Variants in NTF3 observed in about 807,000 individuals in gnomAD.
NTF3 encodes neurotrophin 3.
A neutral mutation model predicts 26.3 loss-of-function variants in NTF3; 8 were observed. The ratio of observed to expected loss-of-function variants is 0.30; its 90% CI spans 0.18 to 0.55. NTF3 has a LOEUF of 0.55. Among genes scored for constraint, NTF3 ranks in the 20% least tolerant of loss-of-function variants. The pLI is 0.93. For synonymous variants in NTF3, 154 were observed against 145.5 expected, an observed-to-expected ratio of 1.06 and a Z score of -0.42; for missense variants, 276 against 352.9, an observed-to-expected ratio of 0.78 and a Z score of 1.75.
At chr12:5,448,524 G>A (rs890243032) in intron 1 of NTF3, among the ~76,000 whole-genome samples, 3 of 152,164 alleles carry the variant, frequency 2.0e-5, no homozygotes, top group African/African-American at 7.2e-5. Flanking sequence ...ATTTCTCACA[G>A]CTTCTAGCCA....
chr12:5,475,680 C>CA (rs560792210), intron 1 of NTF3, among the ~76,000 whole-genome samples: 5 of 151,730 alleles, frequency 3.3e-5, no homozygotes, highest in South Asian at 2.1e-4. Flanking sequence ...ACAAAAAATA[C>CA]AAAAAAATAG....
chr12:5,448,573 A>G (rs904498026), intron 1 of NTF3, among the ~76,000 whole-genome samples: 5 of 152,188 alleles, frequency 3.3e-5, no homozygotes, highest in Admixed American at 2.0e-4. Context: ...CCAGACAGTT[A>G]TAATTTTATT....
intron 1 of NTF3, among the ~76,000 whole-genome samples, chr12:5,471,739 C>A (rs559891211): frequency 6.6e-6 from 1 of 152,218 alleles, no homozygotes; most frequent in African/African-American, 2.4e-5. Context: ...CCTTCTGGAT[C>A]TCTGTAGAAG....
chr12:5,471,444 C>T (rs528718447), intron 1 of NTF3, among the ~76,000 whole-genome samples: 91 of 151,950 alleles, frequency 6.0e-4, no homozygotes, highest in African/African-American at 2.1e-3. Context: ...AACAAAGGAA[C>T]TGACATTGCA....
At chr12:5,479,153 C>G (rs1339685050) in intron 1 of NTF3, among the ~76,000 whole-genome samples, 1 of 152,202 alleles carries the variant, frequency 6.6e-6, no homozygotes, top group Admixed American at 6.5e-5. Context: ...TGTTTCATCT[C>G]CAGAATACAA....
At chr12:5,486,059 C>T (rs1443606308) in intron 1 of NTF3, among the ~76,000 whole-genome samples, 4 of 152,088 alleles carry the variant, frequency 2.6e-5, no homozygotes, top group Admixed American at 1.3e-4. Flanking sequence ...AGCCGCAGAC[C>T]GCCAGTCAAT....
At chr12:5,462,322 A>G (rs1409525739) in intron 1 of NTF3, among the ~76,000 whole-genome samples, 1 of 152,240 alleles carries the variant, frequency 6.6e-6, no homozygotes, top group Non-Finnish European at 1.5e-5. Flanking sequence ...TGGGAAGAAC[A>G]TTAGGATTAG....
chr12:5,446,157 A>G (rs1940302600), intron 1 of NTF3, among the ~76,000 whole-genome samples: 1 of 152,230 alleles, frequency 6.6e-6, no homozygotes, highest in South Asian at 2.1e-4. Context: ...GCACCTATTT[A>G]TATGTGTCAT....
At chr12:5,437,419 C>T (rs2121137581) in intron 1 of NTF3, among the ~76,000 whole-genome samples, 1 of 152,044 alleles carries the variant, frequency 6.6e-6, no homozygotes, top group South Asian at 2.1e-4. Context: ...CACTTCCACT[C>T]CCAGATGTAT....
intron 1 of NTF3, among the ~76,000 whole-genome samples, chr12:5,434,741 G>A (rs1445795259): frequency 1.3e-5 from 2 of 152,070 alleles, no homozygotes; most frequent in African/African-American, 4.8e-5. Flanking sequence ...ACATGGAGTG[G>A]GTGTGGTGTA....
chr12:5,473,160 C>G (rs915480713), intron 1 of NTF3, among the ~76,000 whole-genome samples: 1 of 152,220 alleles, frequency 6.6e-6, no homozygotes, highest in Non-Finnish European at 1.5e-5. Context: ...TGTGAGAGAC[C>G]TATGCCTCTT....
intron 1 of NTF3, among the ~76,000 whole-genome samples, chr12:5,477,687 A>G (rs1565394221): frequency 6.6e-6 from 1 of 152,138 alleles, no homozygotes; most frequent in Non-Finnish European, 1.5e-5. Flanking sequence ...ATTATTCGTG[A>G]GCCTTCACTA....
chr12:5,463,971 A>C (rs1211563116), intron 1 of NTF3, among the ~76,000 whole-genome samples: 3 of 152,256 alleles, frequency 2.0e-5, no homozygotes, highest in Non-Finnish European at 4.4e-5. Context: ...GAGTGGGAAT[A>C]AAGTGGTATT....
intron 1 of NTF3, among the ~76,000 whole-genome samples, chr12:5,446,980 T>A (rs564461108): frequency 6.6e-6 from 1 of 152,076 alleles, no homozygotes; most frequent in East Asian, 1.9e-4. Flanking sequence ...GGCAGCGGGG[T>A]GGAGACAGGC....
upstream of NTF3, among the ~76,000 whole-genome samples, chr12:5,430,557 A>G (rs1371878239): frequency 6.7e-6 from 1 of 148,302 alleles, no homozygotes; most frequent in Non-Finnish European, 1.5e-5. Flanking sequence ...AGGCAGGTAC[A>G]ATCTATCTAG....
At chr12:5,476,960 G>C (rs1229953950) in intron 1 of NTF3, among the ~76,000 whole-genome samples, 1 of 152,162 alleles carries the variant, frequency 6.6e-6, no homozygotes, top group Non-Finnish European at 1.5e-5. Context: ...GGAGCTGATA[G>C]ATGATATATT....
At chr12:5,450,715 C>G (rs561713442) in intron 1 of NTF3, among the ~76,000 whole-genome samples, 1 of 152,328 alleles carries the variant, frequency 6.6e-6, no homozygotes, top group African/African-American at 2.4e-5. Context: ...CTCATTTTTG[C>G]AGACAAAGCA....
intron 1 of NTF3, among the ~76,000 whole-genome samples, chr12:5,453,561 T>G (rs1009864918): frequency 5.9e-5 from 9 of 152,270 alleles, no homozygotes; most frequent in African/African-American, 2.2e-4. Context: ...CGCTGCATTG[T>G]AAAACTGTTC....
chr12:5,494,566 T>C lies in NTF3; in HGVS notation c.391T>C (p.Tyr131His). Reference protein sequence around the residue: ...DSTPLEPPPLYLMEDYVGSPV... With the variant: ...DSTPLEPPPLHLMEDYVGSPV... ...CACCCCCTTGGAGCCCCCGCCCTTGTATCTCATGGAGGATTACGTGGGCAG... is the reference window on the plus strand; with the variant it reads ...CACCCCCTTGGAGCCCCCGCCCTTGCATCTCATGGAGGATTACGTGGGCAG... Residue 131 changes from tyrosine to histidine, a missense_variant, in exon 2 of 2, where the codon TAT becomes CAT. Around this residue, in one of 3 missense-constraint regions of NTF3, gnomAD observed 221 missense variants for 258.2 expected, o/e 0.86. Coordinates refer to ENST00000423158, the MANE Select transcript of NTF3 (RefSeq NM_001102654.2). The surrounding 1 kb of genome is among the most constrained non-coding windows in gnomAD (Gnocchi z 8.3). 1 of 1,614,110 alleles carries C rather than the reference T, an allele frequency of 6.2e-7. No homozygotes were observed. Among genetic ancestry groups the C allele is most frequent in the Non-Finnish European group, 8.5e-7 (1 of 1,180,030 alleles).
Sources: allele counts gnomAD v4.1 joint callset (sites outside exome capture counted in the v4.1 genomes callset), GRCh38; gene constraint gnomAD v4.1.1; regional missense constraint gnomAD v4.1.1; non-coding constraint Gnocchi (gnomAD v3.1); transcripts MANE v1.5; gene names NCBI Gene and HGNC (gene_info 2026-07-23, HGNC 2026-07-21).